The following UBE2E2 variants were observed in gnomAD, a reference collection of about 807,000 sequenced individuals.
UBE2E2 encodes ubiquitin-conjugating enzyme E2 E2.
In UBE2E2, 6 loss-of-function variants were observed where a neutral mutation model predicts 24.7. The ratio of observed to expected loss-of-function variants is 0.24; its 90% CI spans 0.13 to 0.48. UBE2E2 has a LOEUF of 0.48. UBE2E2 is among the 20% of genes least tolerant of loss of function. UBE2E2 has a pLI of 0.99. For synonymous variants in UBE2E2, 104 were observed against 83.6 expected (o/e 1.24, Z -1.33); for missense variants, 169 against 245.0 (o/e 0.69, Z 2.07).
intron 3 of UBE2E2, among the ~76,000 whole-genome samples, chr3:23,349,713 G>C (rs1695675378): frequency 6.6e-6 from 1 of 152,246 alleles, no homozygotes; most frequent in Non-Finnish European, 1.5e-5. Context: ...GCTTGCTTAG[G>C]TAAACAAAGC....
chr3:23,321,333 C>G (rs1694731983), intron 3 of UBE2E2, among the ~76,000 whole-genome samples: 1 of 151,994 alleles, frequency 6.6e-6, no homozygotes, highest in Non-Finnish European at 1.5e-5. Context: ...TTGGATCTAC[C>G]CTGCAGAGCA....
intron 3 of UBE2E2, among the ~76,000 whole-genome samples, chr3:23,307,269 C>T (rs758706576): frequency 3.9e-5 from 6 of 152,170 alleles, no homozygotes; most frequent in Non-Finnish European, 8.8e-5. Flanking sequence ...TTCTTCCTCC[C>T]TCTGTATAGT....
intron 3 of UBE2E2, among the ~76,000 whole-genome samples, chr3:23,491,864 A>G (rs928582260): frequency 2.2e-4 from 34 of 152,206 alleles, no homozygotes; most frequent in African/African-American, 8.0e-4. Context: ...CATAATCTAA[A>G]TGAGAGCTGA....
intron 3 of UBE2E2, among the ~76,000 whole-genome samples, chr3:23,346,964 G>C (rs1463780120): frequency 6.6e-6 from 1 of 152,150 alleles, no homozygotes; most frequent in Non-Finnish European, 1.5e-5. Context: ...CCTTGAAGTG[G>C]AATTATTCTC....
intron 3 of UBE2E2, among the ~76,000 whole-genome samples, chr3:23,250,567 A>G (rs572631835): frequency 2.3e-4 from 35 of 152,370 alleles, no homozygotes; most frequent in South Asian, 1.4e-3. Flanking sequence ...TGTATGAAGA[A>G]TATTTCTGCA....
chr3:23,380,086 TAA>T (rs10559253), intron 3 of UBE2E2, among the ~76,000 whole-genome samples: 13,689 of 136,248 alleles, frequency 0.1, 2,014 homozygotes, highest in African/African-American at 0.33. Context: ...TTGATTACTG[TAA>T]AAAAAAAAAA....
chr3:23,321,050 T>C (rs1694724861), intron 3 of UBE2E2, among the ~76,000 whole-genome samples: 1 of 152,234 alleles, frequency 6.6e-6, no homozygotes, highest in Admixed American at 6.5e-5. Context: ...CCAGCAGCCG[T>C]TGGCCATTCC....
chr3:23,336,476 A>T (rs1182016265), intron 3 of UBE2E2, among the ~76,000 whole-genome samples: 1 of 152,212 alleles, frequency 6.6e-6, no homozygotes, highest in Admixed American at 6.5e-5. Context: ...TTTTGTCAGG[A>T]GGTCTGCTGA....
rs1040023473 is a variant in UBE2E2, at chr3:23,346,299, C to A, written c.227+128987C>A. 2.0e-5 allele frequency among the ~76,000 whole-genome samples: 3 copies of A among 152,226 alleles called. No individual in the cohort carries two copies. In the East Asian group the frequency reaches 5.8e-4, roughly 29 times the overall value. On this transcript the variant is annotated intron_variant, in intron 3 of 5. Coordinates refer to ENST00000396703, the MANE Select transcript of UBE2E2 (RefSeq NM_152653.4). ...ATTTGGTAAATGCCCTTAGTTGAAT[C>A]GTTAATATCCTAGATAGTAAAAGAT...
Position 23,553,738 on chromosome 3 carries a change from G to A in UBE2E2, c.508+21037G>A, listed in dbSNP as rs142226536. ...TAAAATCTAGATAGAAAAGTCCATG[G>A]CATTTCTGTACACAAGTGACAACCT... is the stretch of plus-strand genomic sequence containing the variant. On this transcript the variant is annotated intron_variant, in intron 5 of 5. Transcript: ENST00000396703. Among the ~76,000 whole-genome samples, 1,315 of 152,122 alleles carry A rather than the reference G, an allele frequency of 8.6e-3. 14 individuals carry two copies. Among genetic ancestry groups the A allele is most frequent in the African/African-American group, 0.03 (1,229 of 41,502 alleles).
intron 3 of UBE2E2, among the ~76,000 whole-genome samples, chr3:23,439,662 G>A (rs1156477069): frequency 6.6e-6 from 1 of 152,072 alleles, no homozygotes; most frequent in Non-Finnish European, 1.5e-5. Context: ...TCCCTCAAGT[G>A]CTTTGGAACC....
chr3:23,225,199 A>G (rs1378780066), intron 3 of UBE2E2, among the ~76,000 whole-genome samples: 1 of 151,344 alleles, frequency 6.6e-6, no homozygotes, highest in Non-Finnish European at 1.5e-5. Flanking sequence ...TAAGTCCTGT[A>G]CATCAGATAT....
intron 3 of UBE2E2, among the ~76,000 whole-genome samples, chr3:23,257,625 C>T (rs2125351348): frequency 6.7e-6 from 1 of 148,418 alleles, no homozygotes; most frequent in Middle Eastern, 3.5e-3. Flanking sequence ...CCCACCTCAG[C>T]CTCCGTAGTA....
chr3:23,386,502 G>A (rs939673462), intron 3 of UBE2E2, among the ~76,000 whole-genome samples: 4 of 152,152 alleles, frequency 2.6e-5, no homozygotes, highest in East Asian at 1.9e-4. Flanking sequence ...CAGGTAGTTC[G>A]GTTCTTAAAA....
In UBE2E2 at chr3:23,297,736, G is replaced by T. The variant is rs899588732; in HGVS notation, c.227+80424G>T. 1.2e-4 allele frequency among the ~76,000 whole-genome samples: 18 copies of T among 152,236 alleles called. No individual in the cohort carries two copies. The Middle Eastern group carries it at 0.01, about 86-fold the overall frequency. ...CAGGTAGCATGATGCCTCCAGCTTT[G>T]TTCTTTTGGCTTAGGATTGACTTGG... On this transcript the variant is annotated intron_variant, in intron 3 of 5. Coordinates refer to ENST00000396703, the MANE Select transcript of UBE2E2 (RefSeq NM_152653.4).
chr3:23,361,632 A>G (rs1259815241), intron 3 of UBE2E2, among the ~76,000 whole-genome samples: 2 of 152,226 alleles, frequency 1.3e-5, no homozygotes. Context: ...AGCTATGAGG[A>G]TGCAAAGGCA....
chr3:23,537,893 G>A (rs1055597371), intron 5 of UBE2E2, among the ~76,000 whole-genome samples: 2 of 152,110 alleles, frequency 1.3e-5, no homozygotes, highest in African/African-American at 4.8e-5. Context: ...TTATATTTGT[G>A]TAGATTATTT....
At chr3:23,218,203 CAA>C (rs1696531566) in intron 3 of UBE2E2, among the ~76,000 whole-genome samples, 1 of 152,040 alleles carries the variant, frequency 6.6e-6, no homozygotes, top group African/African-American at 2.4e-5. Context: ...TATGTAAAAA[CAA>C]AGATAACAAT....
intron 3 of UBE2E2, among the ~76,000 whole-genome samples, chr3:23,479,534 TG>T (rs924819618): frequency 6.6e-6 from 1 of 151,692 alleles, no homozygotes; most frequent in Non-Finnish European, 1.5e-5. Context: ...GATGGTGAGT[TG>T]GGGGGTAGGG....
Sources: allele counts gnomAD v4.1 joint callset (sites outside exome capture counted in the v4.1 genomes callset), GRCh38; gene constraint gnomAD v4.1.1; transcripts MANE v1.5; gene names NCBI Gene and HGNC (gene_info 2026-07-23, HGNC 2026-07-21).